The following GRIP2 variants were observed in gnomAD, a reference collection of about 807,000 sequenced individuals.
The protein encoded by GRIP2 is glutamate receptor interacting protein 2.
Under a neutral mutation model 108.3 loss-of-function variants are expected in GRIP2, and 58 were observed. That is an observed-to-expected ratio of 0.54 (90% CI 0.43 to 0.67). GRIP2 has a LOEUF of 0.67. GRIP2 is among the 30% of genes least tolerant of loss of function. The pLI, the probability that GRIP2 is intolerant of heterozygous loss-of-function variation, is 0.00. For missense variants in GRIP2, 1,278 were observed against 1,430.6 expected (o/e 0.89, Z 1.72); for synonymous variants, 586 against 598.2 (o/e 0.98, Z 0.30).
chr3:14,561,004 T>G (rs187543565), upstream of GRIP2, among the ~76,000 whole-genome samples: 163 of 152,310 alleles, frequency 1.1e-3, no homozygotes, highest in African/African-American at 3.7e-3. Flanking sequence ...TGAATTACTT[T>G]GGGTGCAGGG....
At position 14,512,368 on chromosome 3, in the gene GRIP2, G is replaced by C. The variant is rs529842404; in HGVS notation, c.1720+409C>G. Among the ~76,000 whole-genome samples, 6 of 152,310 alleles carry C rather than the reference G, an allele frequency of 3.9e-5. No individual in the cohort carries two copies. The highest frequency in any genetic ancestry group is 7.2e-5 in the African/African-American group (3 of 41,562). ...CTCACCCATTCTACGTTTTTCTTCT[G>C]CATTCCTCATTTTCATTCCTTTGAC... On this transcript the variant is annotated intron_variant, in intron 14 of 23. Coordinates refer to ENST00000621039, the MANE Select transcript of GRIP2 (RefSeq NM_001080423.4). This position sits in a 1 kb window ranked among gnomAD's most constrained non-coding sequence, Gnocchi z 5.1.
In GRIP2 at chr3:14,521,682, G is replaced by A. The variant is rs112174407; in HGVS notation, c.672C>T (p.His224=). The change falls in exon 7 of 24, where the codon CAC becomes CAT. Residue 224 remains histidine, a synonymous_variant. Coordinates refer to ENST00000621039, the MANE Select transcript of GRIP2 (RefSeq NM_001080423.4). The surrounding 1 kb of genome is among the most constrained non-coding windows in gnomAD (Gnocchi z 5.1). The part of the protein sequence containing the change: ...TALATLRQCS[H]EALFQVEYDV... ...CATACTCCACCTGAAAGAGTGCCTCGTGGCTGCACTGCCGCAGGGTGGCCA... is the reference window on the plus strand; with the variant it reads ...CATACTCCACCTGAAAGAGTGCCTCATGGCTGCACTGCCGCAGGGTGGCCA... 2.2e-5 allele frequency: 36 copies of A among 1,611,628 alleles called. No individual in the cohort carries two copies. The highest frequency in any genetic ancestry group is 1.6e-4 in the Middle Eastern group (1 of 6,072).
chr3:14,581,793 G>T, the GRIP2 span, among the ~76,000 whole-genome samples: 3 of 152,154 alleles, frequency 2.0e-5, no homozygotes, highest in Non-Finnish European at 4.4e-5. Flanking sequence ...GGCAAGTTGG[G>T]GTTGGGTTTC....
At chr3:14,496,025 G>T (rs1440842318) in intron 22 of GRIP2, among the ~76,000 whole-genome samples, 1 of 151,960 alleles carries the variant, frequency 6.6e-6, no homozygotes, top group Admixed American at 6.6e-5. Context: ...CATGCCTGTG[G>T]TCCCAGCTTC....
At chr3:14,515,003 C>T (rs762416511) in intron 11 of GRIP2, among the ~76,000 whole-genome samples, 2 of 152,210 alleles carry the variant, frequency 1.3e-5, no homozygotes, top group Non-Finnish European at 2.9e-5. Flanking sequence ...AAAGATCTTC[C>T]TATGTCCCTC....
chr3:14,584,964 C>T, the GRIP2 span, among the ~76,000 whole-genome samples: 3 of 152,242 alleles, frequency 2.0e-5, no homozygotes, highest in African/African-American at 7.2e-5. Context: ...TCCAGGATGC[C>T]TGCAGGGCCA....
At chr3:14,572,038 A>T in the GRIP2 span, among the ~76,000 whole-genome samples, 1 of 152,136 alleles carries the variant, frequency 6.6e-6, no homozygotes, top group Non-Finnish European at 1.5e-5. Flanking sequence ...TCTAAAATAT[A>T]TCTCAATAAA....
Position 14,521,693 on chromosome 3 carries a change from G to A in GRIP2, c.661C>T (p.Gln221Ter). 1 of 1,611,854 alleles carries A rather than the reference G, an allele frequency of 6.2e-7. No individual in the cohort carries two copies. The highest frequency in any genetic ancestry group is 8.5e-7 in the Non-Finnish European group (1 of 1,179,242). The change falls in exon 7 of 24, where the codon CAG (glutamine) becomes TAG (stop). Residue 221 changes from glutamine to a stop codon, truncating the protein, a stop_gained. Transcript: ENST00000621039. LOFTEE classifies it high-confidence loss of function. The surrounding 1 kb of genome is among the most constrained non-coding windows in gnomAD (Gnocchi z 5.1). ...TGAAAGAGTGCCTCGTGGCTGCACT[G>A]CCGCAGGGTGGCCAGGGCGGTGGCA... Reference protein sequence around the residue: ...SHATALATLRQCSHEALFQVE... With the variant: ...SHATALATLR
At chr3:14,500,433 C>G (rs186115134) in intron 21 of GRIP2, among the ~76,000 whole-genome samples, 6 of 152,130 alleles carry the variant, frequency 3.9e-5, no homozygotes, top group Non-Finnish European at 8.8e-5. Flanking sequence ...CTTACTGAGA[C>G]ACATCAGAGC....
the GRIP2 span, among the ~76,000 whole-genome samples, chr3:14,594,990 G>A: frequency 6.6e-6 from 1 of 152,186 alleles, no homozygotes; most frequent in Non-Finnish European, 1.5e-5. Flanking sequence ...TGGAACTCCT[G>A]GGCTCAAGTG....
rs886553792 is a variant in GRIP2 at position 14,505,242 on chromosome 3, G to C, written c.2573+373C>G. 2.0e-5 allele frequency among the ~76,000 whole-genome samples: 3 copies of C among 152,176 alleles called. No individual in the cohort carries two copies. Among genetic ancestry groups the C allele is most frequent in the Non-Finnish European group, 4.4e-5 (3 of 68,024 alleles). ...CGGCTCAGCCACTCGGCACAGCCCA[G>C]GGATGGTGCCGGTGGGCTGAGGGCC... On this transcript the variant is annotated intron_variant, in intron 20 of 23. Transcript: ENST00000621039. The surrounding 1 kb of genome is among the most constrained non-coding windows in gnomAD (Gnocchi z 4.2).
chr3:14,522,776 T>G lies in GRIP2; in HGVS notation c.566+224A>C. On this transcript the variant is annotated intron_variant, in intron 6 of 23. Coordinates refer to ENST00000621039, the MANE Select transcript of GRIP2 (RefSeq NM_001080423.4). The surrounding 1 kb of genome is among the most constrained non-coding windows in gnomAD (Gnocchi z 4.3). ...GCCCCTCTCCAAACACCCCAACCCCTGAGACAGCAGTATGTTGGGGAAGAA... is the reference window on the plus strand; with the variant it reads ...GCCCCTCTCCAAACACCCCAACCCCGGAGACAGCAGTATGTTGGGGAAGAA... 1.8e-6 allele frequency: 1 copy of G among 548,398 alleles called. No homozygotes were observed. Among genetic ancestry groups the G allele is most frequent in the Non-Finnish European group, 3.3e-6 (1 of 304,802 alleles). 34.0% of individuals were successfully genotyped at this position (548,398 alleles called of 1,614,324 possible).
rs146979100 is a variant in GRIP2 at position 14,535,550 on chromosome 3, T to C, written c.40+4719A>G. ...GCTTCCTAAGCACGATCTCATTTAA[T>C]CCTCACCACTTTTGAGGCGGTATAA... On this transcript the variant is annotated intron_variant, in intron 1 of 23. Coordinates refer to ENST00000621039, the MANE Select transcript of GRIP2 (RefSeq NM_001080423.4). Among the ~76,000 whole-genome samples the C allele has an allele frequency of 1.7e-3, 260 of 152,344 alleles. 1 individual carries two copies. Among genetic ancestry groups the C allele is most frequent in the African/African-American group, 5.6e-3 (231 of 41,594 alleles).
chr3:14,499,255 G>A (rs1693700634), intron 21 of GRIP2, among the ~76,000 whole-genome samples: 2 of 152,206 alleles, frequency 1.3e-5, no homozygotes, highest in Admixed American at 6.5e-5. Flanking sequence ...ACAAAGTGAG[G>A]AGCGATCTCA....
rs751444934 is a variant in GRIP2, at chr3:14,523,155, G to C, written c.491-80C>G. The C allele has an allele frequency of 2.2e-5, 23 of 1,053,880 alleles. No individual in the cohort carries two copies. In the African/African-American group the frequency reaches 2.2e-4, roughly 10 times the overall value. The allele number at this position is 1,053,880 out of a possible 1,614,324, so 65.3% of individuals were successfully genotyped here. A position where few individuals can be genotyped will look rare whatever the true frequency, so the allele number is the denominator to read the frequency against. ...AGGCTCCCACACAGCCCCTGAGCAG[G>C]CTCCTTCAATAAAACCTGTTTGAGG... On this transcript the variant is annotated intron_variant, in intron 5 of 23. Transcript: ENST00000621039.
Position 14,493,550 on chromosome 3 carries a change from A to G in GRIP2, c.*115T>C, listed in dbSNP as rs554961383. On this transcript the variant is annotated 3_prime_UTR_variant, in exon 24 of 24. Coordinates refer to ENST00000621039, the MANE Select transcript of GRIP2 (RefSeq NM_001080423.4). ...AGACCAAGCATCATCCCAGGCTCAG[A>G]GTCTGCCAGACCAACAGATGAATGA... is the stretch of plus-strand genomic sequence containing the variant. 3.3e-5 allele frequency: 41 copies of G among 1,225,010 alleles called. No individual in the cohort carries two copies. Among genetic ancestry groups the G allele is most frequent in the Non-Finnish European group, 4.6e-5 (41 of 898,198 alleles). 75.9% of individuals were successfully genotyped at this position (1,225,010 alleles called of 1,614,324 possible). A position where few individuals can be genotyped will look rare whatever the true frequency, so the allele number is the denominator to read the frequency against.
In GRIP2 at chr3:14,513,672, A is replaced by G. The variant is rs1340015569; in HGVS notation, c.1632T>C (p.Asp544=). 1 of 1,609,540 alleles carries G rather than the reference A, an allele frequency of 6.2e-7. No homozygotes were observed. The highest frequency in any genetic ancestry group is 8.5e-7 in the Non-Finnish European group (1 of 1,178,148). The change falls in exon 13 of 24, where the codon GAT becomes GAC. Residue 544 remains aspartate, a synonymous_variant. Coordinates refer to ENST00000621039, the MANE Select transcript of GRIP2 (RefSeq NM_001080423.4). ...AHKVVLEVEF[D]VAESVIPSSG... ...CTTGGGCCACTCACTCACCCGCCAC[A>G]TCGAACTCCACCTCCAGCACGACCT...
the GRIP2 span, among the ~76,000 whole-genome samples, chr3:14,589,362 T>C: frequency 1.3e-4 from 20 of 152,196 alleles, no homozygotes; most frequent in African/African-American, 4.8e-4. Flanking sequence ...AGAAGAAATT[T>C]CTAGAAGGAC....
chr3:14,531,475 T>C (rs1317839138), intron 1 of GRIP2, among the ~76,000 whole-genome samples: 1 of 152,242 alleles, frequency 6.6e-6, no homozygotes, highest in East Asian at 1.9e-4. Flanking sequence ...TGCGGGGCTC[T>C]GCCTGAGTTA....
Sources: allele counts gnomAD v4.1 joint callset (sites outside exome capture counted in the v4.1 genomes callset), GRCh38; gene constraint gnomAD v4.1.1; non-coding constraint Gnocchi (gnomAD v3.1); transcripts MANE v1.5; gene names NCBI Gene and HGNC (gene_info 2026-07-23, HGNC 2026-07-21).